The following GRIN2B variants were observed in gnomAD, a reference collection of about 807,000 sequenced individuals.
The protein encoded by GRIN2B is glutamate ionotropic receptor NMDA type subunit 2B, also known as glutamate receptor ionotropic, NMDA 2B.
GRIN2B carries 5 observed loss-of-function variants against 114.5 expected under a neutral mutation model. The observed-to-expected ratio is 0.04, with a 90% confidence interval of 0.02 to 0.09. GRIN2B has a LOEUF of 0.09. GRIN2B is among the 10% of genes least tolerant of loss of function. GRIN2B has a pLI of 1.00. For missense variants in GRIN2B, 1,108 were observed against 1,943.5 expected (o/e 0.57, Z 8.08); for synonymous variants, 787 against 745.1 (o/e 1.06, Z -0.92).
chr12:13,705,726 T>C (rs552245358), intron 4 of GRIN2B, among the ~76,000 whole-genome samples: 1 of 152,308 alleles, frequency 6.6e-6, no homozygotes, highest in East Asian at 1.9e-4. Context: ...TTTACTATAA[T>C]AATTATTTTT....
At chr12:13,618,424 CT>C (rs1292580577) in intron 5 of GRIN2B, among the ~76,000 whole-genome samples, 1 of 152,148 alleles carries the variant, frequency 6.6e-6, no homozygotes, top group Non-Finnish European at 1.5e-5. Context: ...TCAACAGTCC[CT>C]TTTGATTTTT....
chr12:13,834,902 C>T (rs868215150), intron 3 of GRIN2B, among the ~76,000 whole-genome samples: 4 of 152,190 alleles, frequency 2.6e-5, no homozygotes, highest in African/African-American at 9.6e-5. Flanking sequence ...TTTATGGGAG[C>T]GACCCAGGCA....
intron 4 of GRIN2B, among the ~76,000 whole-genome samples, chr12:13,702,631 T>C (rs1188635704): frequency 6.6e-6 from 1 of 152,136 alleles, no homozygotes; most frequent in Non-Finnish European, 1.5e-5. Flanking sequence ...TGAAAGTCTA[T>C]CCATCCCTGA....
intron 4 of GRIN2B, among the ~76,000 whole-genome samples, chr12:13,732,002 A>G (rs912692538): frequency 6.6e-6 from 1 of 152,202 alleles, no homozygotes; most frequent in African/African-American, 2.4e-5. Context: ...AGCCATGGGT[A>G]GAGATTCAAG....
At chr12:13,704,854 A>G (rs946331107) in intron 4 of GRIN2B, among the ~76,000 whole-genome samples, 2 of 152,206 alleles carry the variant, frequency 1.3e-5, no homozygotes, top group Non-Finnish European at 2.9e-5. Flanking sequence ...TCATTTGTAA[A>G]TAAAACACAT....
chr12:13,737,383 T>C (rs1403305609), intron 4 of GRIN2B, among the ~76,000 whole-genome samples: 2 of 152,024 alleles, frequency 1.3e-5, no homozygotes, highest in African/African-American at 2.4e-5. Context: ...GGCTAATTTT[T>C]TGTATTTTTA....
intron 2 of GRIN2B, among the ~76,000 whole-genome samples, chr12:13,928,413 T>C (rs1050754316): frequency 2.0e-5 from 3 of 152,060 alleles, no homozygotes; most frequent in African/African-American, 7.2e-5. Flanking sequence ...GGCTGTATAA[T>C]AGATAACAAT....
At chr12:13,880,184 A>T (rs543180850) in intron 2 of GRIN2B, among the ~76,000 whole-genome samples, 6 of 152,230 alleles carry the variant, frequency 3.9e-5, no homozygotes, top group Non-Finnish European at 5.9e-5. Context: ...TGCCTTTATT[A>T]GGAAGCAGCT....
intron 3 of GRIN2B, among the ~76,000 whole-genome samples, chr12:13,862,744 T>C (rs75541451): frequency 0.024 from 3,669 of 152,314 alleles, 80 homozygotes; most frequent in Middle Eastern, 0.054. Flanking sequence ...AAGGCTTTTT[T>C]CTCTGAGATT....
chr12:13,587,513 C>G (rs1180019532), intron 10 of GRIN2B, among the ~76,000 whole-genome samples: 1 of 151,922 alleles, frequency 6.6e-6, no homozygotes, highest in African/African-American at 2.4e-5. Flanking sequence ...TTCCACCATG[C>G]CCAGCTAATT....
At chr12:13,728,502 TAC>T (rs1863030806) in intron 4 of GRIN2B, among the ~76,000 whole-genome samples, 1 of 152,142 alleles carries the variant, frequency 6.6e-6, no homozygotes, top group South Asian at 2.1e-4. Context: ...CCTAAGGAGA[TAC>T]ACAGAGAGCT....
intron 10 of GRIN2B, among the ~76,000 whole-genome samples, chr12:13,590,655 G>T (rs1179443508): frequency 6.6e-6 from 1 of 152,032 alleles, no homozygotes; most frequent in African/African-American, 2.4e-5. Context: ...TCATTGATGG[G>T]CATTTAGGTT....
intron 13 of GRIN2B, 128 bp downstream of exon 13, chr12:13,566,897 A>G (rs1948647757): frequency 4.0e-6 from 3 of 751,476 alleles, no homozygotes; most frequent in Admixed American, 3.6e-5. Flanking sequence ...AAGAAAACAT[A>G]CATGATGTGG....
rs1948247043 is a variant in GRIN2B, at chr12:13,539,140, T to A, written c.*23643A>T. On this transcript the variant is annotated 3_prime_UTR_variant, in exon 14 of 14. Coordinates refer to ENST00000609686, the MANE Select transcript of GRIN2B (RefSeq NM_000834.5). ...ACAAAGGAAAGTACAAGAGAGACCC[T>A]CACAGATAATCTCTCTGAGACAGTA... is the stretch of plus-strand genomic sequence containing the variant. 6.6e-6 allele frequency: 1 copy of A among 152,164 alleles called. No individual in the cohort carries two copies. The highest frequency in any genetic ancestry group is 1.5e-5 in the Non-Finnish European group (1 of 68,028). The allele number at this position is 152,164 out of a possible 1,614,324, so 9.4% of individuals were successfully genotyped here. A position where few individuals can be genotyped will look rare whatever the true frequency, so the allele number is the denominator to read the frequency against.
At position 13,564,112 on chromosome 12, in the gene GRIN2B, G is replaced by A. The variant is rs767114392; in HGVS notation, c.3126C>T (p.Phe1042=). ...HSQLSDLYGK[F]SFKSDRYSGH... ...CACTGTAGCGGTCGCTCTTGAAGGA[G>A]AATTTGCCGTACAGGTCACTGAGCT... The change falls in exon 14 of 14, where the codon TTC becomes TTT. Residue 1042 remains phenylalanine, a synonymous_variant. Transcript: ENST00000609686. The surrounding 1 kb of genome is among the most constrained non-coding windows in gnomAD (Gnocchi z 4.8). 6.2e-7 allele frequency: 1 copy of A among 1,614,070 alleles called. No individual in the cohort carries two copies. The highest frequency in any genetic ancestry group is 1.3e-5 in the African/African-American group (1 of 74,934).
intron 5 of GRIN2B, among the ~76,000 whole-genome samples, chr12:13,621,696 A>G (rs976993241): frequency 5.3e-5 from 4 of 75,410 alleles, no homozygotes; most frequent in African/African-American, 1.7e-4. Context: ...TACAGGCTGA[A>G]CACCTGAATA....
At chr12:13,845,958 A>G (rs1167586860) in intron 3 of GRIN2B, among the ~76,000 whole-genome samples, 1 of 151,822 alleles carries the variant, frequency 6.6e-6, no homozygotes, top group African/African-American at 2.4e-5. Context: ...ACTTTAATCT[A>G]CTCACCCTGA....
chr12:13,735,966 A>G (rs147743806), intron 4 of GRIN2B, among the ~76,000 whole-genome samples: 2 of 151,968 alleles, frequency 1.3e-5, no homozygotes, highest in East Asian at 3.9e-4. Context: ...CAGACATAGC[A>G]TGTGTGTCCT....
chr12:13,774,790 C>G (rs891995201), intron 3 of GRIN2B, among the ~76,000 whole-genome samples: 1 of 152,036 alleles, frequency 6.6e-6, no homozygotes, highest in Non-Finnish European at 1.5e-5. Flanking sequence ...CAAAGATTAC[C>G]AAAAGTAATG....
Sources: allele counts gnomAD v4.1 joint callset (sites outside exome capture counted in the v4.1 genomes callset), GRCh38; gene constraint gnomAD v4.1.1; non-coding constraint Gnocchi (gnomAD v3.1); transcripts MANE v1.5; gene names NCBI Gene and HGNC (gene_info 2026-07-23, HGNC 2026-07-21).